Variants in C2orf76 observed in about 807,000 individuals in gnomAD.
The protein encoded by C2orf76 is UPF0538 protein C2orf76.
A neutral mutation model predicts 16.9 loss-of-function variants in C2orf76; 23 were observed. The ratio of observed to expected loss-of-function variants is 1.36; its 90% CI spans 0.98 to 1.93. The LOEUF is 1.93. Ranked by LOEUF, C2orf76 falls within the 30% of genes most tolerant of loss-of-function variation. The pLI, the probability that C2orf76 is intolerant of heterozygous loss-of-function variation, is 0.00. For missense variants in C2orf76, 152 were observed against 152.6 expected, an observed-to-expected ratio of 1.00 and a Z score of 0.02; for synonymous variants, 48 against 52.3, an observed-to-expected ratio of 0.92 and a Z score of 0.35.
chr2:119,283,705 C>A, the C2orf76 span, among the ~76,000 whole-genome samples: 1 of 152,066 alleles, frequency 6.6e-6, no homozygotes, highest in East Asian at 1.9e-4. Flanking sequence ...GAACTCCTGA[C>A]CTCAAATGAT....
chr2:119,350,008 C>T (rs1356984163), intron 1 of C2orf76, among the ~76,000 whole-genome samples: 1 of 150,928 alleles, frequency 6.6e-6, no homozygotes, highest in Non-Finnish European at 1.5e-5. Flanking sequence ...AAGCAATCCT[C>T]CTGCATTAGC....
intron 1 of C2orf76, among the ~76,000 whole-genome samples, chr2:119,351,308 G>A (rs953034248): frequency 9.2e-5 from 14 of 152,032 alleles, no homozygotes; most frequent in African/African-American, 2.9e-4. Context: ...GCCTTCCTGC[G>A]CCTAGGAACA....
At chr2:119,322,761 T>G (rs1015854414) in intron 2 of C2orf76, among the ~76,000 whole-genome samples, 1 of 151,010 alleles carries the variant, frequency 6.6e-6, no homozygotes. Context: ...TAAAGAGATA[T>G]GAGAGAACAT....
In C2orf76 at chr2:119,339,002, A is replaced by G. The variant is rs906075479; in HGVS notation, c.133+825T>C. On this transcript the variant is annotated intron_variant, in intron 2 of 5. Transcript: ENST00000334816. ...TGGAGTTGCTTTGGCCTCCGCAGGA[A>G]TAAAACAAACATAGCAAAATGTTAA... 2.0e-5 allele frequency: 3 copies of G among 152,254 alleles called. 1 individual carries two copies. Among genetic ancestry groups the G allele is most frequent in the Admixed American group, 2.0e-4 (3 of 15,290 alleles). The allele number at this position is 152,254 out of a possible 1,614,324, so 9.4% of individuals were successfully genotyped here.
In C2orf76 at chr2:119,311,621, C is replaced by A. The variant is rs1171000494; in HGVS notation, c.304+1G>T. 1.9e-6 allele frequency: 3 copies of A among 1,613,192 alleles called. No individual in the cohort carries two copies. The highest frequency in any genetic ancestry group is 3.3e-5 in the Admixed American group (2 of 59,852). The stretch of plus-strand genomic sequence containing the variant: ...CAGCAACACAAGGCCCCCTTCCTCA[C>A]CGATTCCAGCTGCTTTCAGAGTGCT... On this transcript the variant is annotated splice_donor_variant, in intron 5 of 5. Coordinates refer to ENST00000334816, the MANE Select transcript of C2orf76 (RefSeq NM_001322331.2). LOFTEE classifies it high-confidence loss of function.
Position 119,302,423 on chromosome 2 carries a change from A to T in C2orf76, c.*49T>A. ...GTCAATTTCAAAAATTCAGCAGTGGAATAAAGAGCTTAATACAGGTATGCA... is the reference window on the plus strand; with the variant it reads ...GTCAATTTCAAAAATTCAGCAGTGGTATAAAGAGCTTAATACAGGTATGCA... On this transcript the variant is annotated 3_prime_UTR_variant, in exon 6 of 6. Coordinates refer to ENST00000334816, the MANE Select transcript of C2orf76 (RefSeq NM_001322331.2). The T allele has an allele frequency of 1.4e-6, 1 of 720,376 alleles. No homozygotes were observed. Among genetic ancestry groups the T allele is most frequent in the African/African-American group, 1.9e-5 (1 of 53,692 alleles). 44.6% of individuals were successfully genotyped at this position (720,376 alleles called of 1,614,324 possible).
the C2orf76 span, among the ~76,000 whole-genome samples, chr2:119,292,668 G>A: frequency 6.6e-6 from 1 of 152,118 alleles, no homozygotes; most frequent in Non-Finnish European, 1.5e-5. Flanking sequence ...AGTGTATTCA[G>A]TCTACACAGA....
rs983386646 is a variant in C2orf76 at position 119,366,733 on chromosome 2, C to T, written c.-13+57G>A. 8.0e-5 allele frequency: 42 copies of T among 522,800 alleles called. No individual in the cohort carries two copies. The African/African-American group carries it at 8.0e-4, about 10-fold the overall frequency. The allele number at this position is 522,800 out of a possible 1,614,324, so 32.4% of individuals were successfully genotyped here. On this transcript the variant is annotated intron_variant, in intron 1 of 5. Transcript: ENST00000334816. ...CCCCACAACGGGCCAGGACTGAACC[C>T]AACTCTCGACCAACTCCCGGCAGCA...
chr2:119,318,054 T>A (rs960364928), intron 3 of C2orf76, among the ~76,000 whole-genome samples: 1 of 152,066 alleles, frequency 6.6e-6, no homozygotes, highest in African/African-American at 2.4e-5. Context: ...GGTTTGCAAA[T>A]ACTGCACAGG....
At chr2:119,362,893 G>A (rs1005072850) in intron 1 of C2orf76, among the ~76,000 whole-genome samples, 7 of 152,076 alleles carry the variant, frequency 4.6e-5, no homozygotes, top group African/African-American at 7.2e-5. Flanking sequence ...TCTCCTGCCC[G>A]CCTTGCCACA....
At chr2:119,314,372 G>T (rs563927468) in intron 4 of C2orf76, among the ~76,000 whole-genome samples, 1 of 151,986 alleles carries the variant, frequency 6.6e-6, no homozygotes, top group African/African-American at 2.4e-5. Context: ...AATCCAAGGG[G>T]TATTTATTTT....
At chr2:119,303,222 A>T (rs1397877772) in intron 5 of C2orf76, among the ~76,000 whole-genome samples, 1 of 152,248 alleles carries the variant, frequency 6.6e-6, no homozygotes, top group Non-Finnish European at 1.5e-5. Context: ...GGTTCAGAGC[A>T]GTCACAATTC....
intron 1 of C2orf76, among the ~76,000 whole-genome samples, chr2:119,352,759 C>T (rs1024502033): frequency 2.0e-5 from 3 of 152,048 alleles, no homozygotes; most frequent in Non-Finnish European, 4.4e-5. Context: ...AAAAGTTTTC[C>T]TTTTAACACC....
At chr2:119,353,556 C>CTTTTTT (rs755724739) in intron 1 of C2orf76, among the ~76,000 whole-genome samples, 1 of 124,586 alleles carries the variant, frequency 8.0e-6, no homozygotes, top group East Asian at 2.3e-4. Flanking sequence ...CAAGAATTTT[C>CTTTTTT]TTTTTTTTTT....
rs1193022536 is a variant in C2orf76 at position 119,309,398 on chromosome 2, CTTTTTTTTTTTT to C, written c.304+2212_304+2223del. On this transcript the variant is annotated intron_variant, in intron 5 of 5. Transcript: ENST00000334816. ...GTAACTTTTCTTTTTTTCTCTTTTTCTTTTTTTTTTTTTTTTTTTTTTTTTTGAGATAGAGTC... is the reference window on the plus strand; with the variant it reads ...GTAACTTTTCTTTTTTTCTCTTTTTCTTTTTTTTTTTTTTGAGATAGAGTC... Among the ~76,000 whole-genome samples, 8 of 71,358 alleles carry C rather than the reference CTTTTTTTTTTTT, an allele frequency of 1.1e-4. No individual in the cohort carries two copies. The East Asian group carries it at 1.2e-3, about 11-fold the overall frequency. 46.8% of individuals were successfully genotyped at this position (71,358 alleles called of 152,430 possible).
At chr2:119,365,735 T>TAA (rs1037594070) in intron 1 of C2orf76, among the ~76,000 whole-genome samples, 12 of 152,208 alleles carry the variant, frequency 7.9e-5, no homozygotes, top group African/African-American at 2.7e-4. Flanking sequence ...TTTAGCTTCT[T>TAA]AAACATCGAT....
At chr2:119,299,203 C>A (rs1368926965), downstream of C2orf76, among the ~76,000 whole-genome samples, 1 of 152,154 alleles carries the variant, frequency 6.6e-6, no homozygotes, top group Non-Finnish European at 1.5e-5. Context: ...CAGGCCTAAG[C>A]CAATGCACCC....
chr2:119,336,832 G>C (rs1257480640), intron 2 of C2orf76, among the ~76,000 whole-genome samples: 1 of 152,100 alleles, frequency 6.6e-6, no homozygotes, highest in Non-Finnish European at 1.5e-5. Flanking sequence ...CACTCAAAAT[G>C]CTAGAGCAAG....
the C2orf76 span, among the ~76,000 whole-genome samples, chr2:119,286,910 A>G: frequency 6.6e-6 from 1 of 152,150 alleles, no homozygotes; most frequent in Non-Finnish European, 1.5e-5. Flanking sequence ...CAAGTAGTGA[A>G]AGGCAAAGAA....
Sources: allele counts gnomAD v4.1 joint callset (sites outside exome capture counted in the v4.1 genomes callset), GRCh38; gene constraint gnomAD v4.1.1; transcripts MANE v1.5; gene names NCBI Gene and HGNC (gene_info 2026-07-23, HGNC 2026-07-21).